Variants in MRPS28 observed in about 807,000 individuals in gnomAD.
MRPS28 encodes the protein mitochondrial ribosomal protein S28.
MRPS28 carries 7 observed loss-of-function variants against 10.8 expected under a neutral mutation model. The observed-to-expected ratio is 0.65, with a 90% CI of 0.37 to 1.22. MRPS28 has a LOEUF of 1.22. MRPS28 is among the 50% of genes most tolerant of loss of function. The pLI is 0.02. For missense variants in MRPS28, 265 were observed against 232.9 expected (o/e 1.14, Z -0.90); for synonymous variants, 121 against 93.3 (o/e 1.30, Z -1.71).
intron 2 of MRPS28, among the ~76,000 whole-genome samples, chr8:80,000,771 GTCCCTGCTAC>G (rs1273178899): frequency 1.3e-5 from 2 of 152,258 alleles, no homozygotes; most frequent in Non-Finnish European, 2.9e-5. Context: ...ATGTCTGTAA[GTCCCTGCTAC>G]TCAGGAGGCT....
intron 2 of MRPS28, among the ~76,000 whole-genome samples, chr8:79,947,630 T>C (rs1046494851): frequency 1.1e-5 from 1 of 93,678 alleles, no homozygotes; most frequent in African/African-American, 6.4e-5. Flanking sequence ...ATATATTAAG[T>C]TTTTTTTTTT....
intron 2 of MRPS28, among the ~76,000 whole-genome samples, chr8:79,995,063 G>A (rs1457129269): frequency 6.6e-6 from 1 of 152,096 alleles, no homozygotes; most frequent in African/African-American, 2.4e-5. Flanking sequence ...CATGCCTGTA[G>A]AATACAATGA....
chr8:79,943,633 T>C (rs1806826301), intron 2 of MRPS28, among the ~76,000 whole-genome samples: 1 of 152,222 alleles, frequency 6.6e-6, no homozygotes, highest in South Asian at 2.1e-4. Flanking sequence ...CTGAGACTCA[T>C]ACCAGCATAC....
chr8:80,022,190 T>C (rs950823216), intron 1 of MRPS28, among the ~76,000 whole-genome samples: 1 of 152,030 alleles, frequency 6.6e-6, no homozygotes, highest in Non-Finnish European at 1.5e-5. Context: ...AATCACACCA[T>C]ATGTAACTTT....
At chr8:80,025,724 T>A (rs77850824) in intron 1 of MRPS28, among the ~76,000 whole-genome samples, 1 of 152,158 alleles carries the variant, frequency 6.6e-6, no homozygotes, top group Non-Finnish European at 1.5e-5. Flanking sequence ...AATGAATTCA[T>A]TGAATCTCAT....
intron 2 of MRPS28, among the ~76,000 whole-genome samples, chr8:79,943,736 T>C (rs1312758244): frequency 6.6e-6 from 1 of 152,200 alleles, no homozygotes; most frequent in Non-Finnish European, 1.5e-5. Context: ...CCTCTCTGCA[T>C]ACATTCAATA....
At chr8:80,006,732 A>C (rs566085927) in intron 1 of MRPS28, among the ~76,000 whole-genome samples, 1 of 152,222 alleles carries the variant, frequency 6.6e-6, no homozygotes, top group Non-Finnish European at 1.5e-5. Context: ...AAGAAGTTGA[A>C]TCCCTGAATA....
At chr8:80,024,500 G>A (rs1809450404) in intron 1 of MRPS28, among the ~76,000 whole-genome samples, 1 of 152,112 alleles carries the variant, frequency 6.6e-6, no homozygotes, top group Non-Finnish European at 1.5e-5. Flanking sequence ...CCTGGCTGCA[G>A]GGGAAAGTTC....
At chr8:80,004,026 G>C (rs1444149092) in intron 1 of MRPS28, among the ~76,000 whole-genome samples, 2 of 152,228 alleles carry the variant, frequency 1.3e-5, no homozygotes, top group Admixed American at 6.5e-5. Context: ...AGCTCAAGGA[G>C]GCCTGCCTGC....
chr8:80,014,546 C>T (rs1468909696), intron 1 of MRPS28, among the ~76,000 whole-genome samples: 1 of 152,200 alleles, frequency 6.6e-6, no homozygotes, highest in African/African-American at 2.4e-5. Flanking sequence ...CGCTTACCAG[C>T]TCTGGGGACA....
In MRPS28 at chr8:79,955,913, A is replaced by G. The variant is rs182133349; in HGVS notation, c.396-36765T>C. Reference sequence around the variant, plus strand: ...TTTCCGAAAACTAAGAATAGCTAACATTTATTGAGTGCTACTAAACCCTTT... The same window carrying G: ...TTTCCGAAAACTAAGAATAGCTAACGTTTATTGAGTGCTACTAAACCCTTT... On this transcript the variant is annotated intron_variant, in intron 2 of 2. Coordinates refer to ENST00000276585, the MANE Select transcript of MRPS28 (RefSeq NM_014018.3). Among the ~76,000 whole-genome samples, 390 of 152,254 alleles carry G rather than the reference A, an allele frequency of 2.6e-3. 1 individual carries two copies. Among genetic ancestry groups the G allele is most frequent in the African/African-American group, 8.6e-3 (358 of 41,550 alleles).
chr8:79,934,050 C>T (rs1806539781), intron 2 of MRPS28, among the ~76,000 whole-genome samples: 1 of 152,074 alleles, frequency 6.6e-6, no homozygotes. Context: ...CTAGGTTTTT[C>T]CATGGTGACT....
chr8:79,919,845 C>G (rs933683874), intron 2 of MRPS28, among the ~76,000 whole-genome samples: 1 of 152,098 alleles, frequency 6.6e-6, no homozygotes, highest in Admixed American at 6.6e-5. Flanking sequence ...ATGTGCACAA[C>G]GTGCAGGTTT....
At chr8:80,025,801 G>T (rs143119889) in intron 1 of MRPS28, among the ~76,000 whole-genome samples, 1 of 152,312 alleles carries the variant, frequency 6.6e-6, no homozygotes, top group Admixed American at 6.5e-5. Context: ...AGGCAACACA[G>T]CTAGTAAATG....
At chr8:80,002,457 ATC>A (rs1183399612) in intron 2 of MRPS28, among the ~76,000 whole-genome samples, 2 of 152,148 alleles carry the variant, frequency 1.3e-5, no homozygotes, top group Non-Finnish European at 2.9e-5. Context: ...CCATCTCAGA[ATC>A]TTAGTTCAAC....
intron 1 of MRPS28, chr8:80,029,674 C>T (rs1809595273): frequency 7.8e-7 from 1 of 1,276,318 alleles, no homozygotes; most frequent in South Asian, 1.3e-5. Flanking sequence ...CCCAGCAGAG[C>T]CCTGCCTCTC....
intron 2 of MRPS28, among the ~76,000 whole-genome samples, chr8:79,975,597 A>G (rs1807775217): frequency 6.6e-6 from 1 of 152,196 alleles, no homozygotes; most frequent in South Asian, 2.1e-4. Context: ...ATGACTCTGG[A>G]GTACAAAATT....
intron 2 of MRPS28, among the ~76,000 whole-genome samples, chr8:79,937,107 T>G (rs1315460286): frequency 6.6e-6 from 1 of 152,142 alleles, no homozygotes; most frequent in Non-Finnish European, 1.5e-5. Context: ...GTGGTCCTCC[T>G]GCCTTGGCCT....
chr8:80,029,027 C>T (rs1291475807), intron 1 of MRPS28, among the ~76,000 whole-genome samples: 1 of 152,032 alleles, frequency 6.6e-6, no homozygotes, highest in African/African-American at 2.4e-5. Context: ...AAAGACAGGC[C>T]AGGAAGAGAT....
Sources: gnomAD v4.1 joint callset for allele counts (sites outside exome capture counted in the v4.1 genomes callset) on GRCh38, gnomAD v4.1.1 for gene constraint, MANE v1.5 for transcripts, NCBI Gene and HGNC (gene_info 2026-07-23, HGNC 2026-07-21) for gene names.